The following KHDRBS2 variants were observed in gnomAD, a reference collection of about 807,000 sequenced individuals.
The protein encoded by KHDRBS2 is KH RNA binding domain containing, signal transduction associated 2.
In KHDRBS2, 26 loss-of-function variants were observed where a neutral mutation model predicts 44.3. That is an observed-to-expected ratio of 0.59 (90% CI 0.43 to 0.81). The LOEUF is 0.81. Ranked by LOEUF, KHDRBS2 falls within the 40% of genes least tolerant of loss-of-function variation. KHDRBS2 has a pLI of 0.00. For missense variants in KHDRBS2, 476 were observed against 433.1 expected, an observed-to-expected ratio of 1.10 and a Z score of -0.88; for synonymous variants, 194 against 151.1, an observed-to-expected ratio of 1.28 and a Z score of -2.08.
chr6:62,242,059 C>A (rs1175965962), intron 1 of KHDRBS2, among the ~76,000 whole-genome samples: 3 of 152,156 alleles, frequency 2.0e-5, no homozygotes, highest in African/African-American at 7.2e-5. Flanking sequence ...TGACTTTACA[C>A]ACTTTTCACT....
intron 1 of KHDRBS2, among the ~76,000 whole-genome samples, chr6:62,200,262 G>A (rs1246341126): frequency 6.6e-6 from 1 of 152,154 alleles, no homozygotes; most frequent in Non-Finnish European, 1.5e-5. Context: ...AAGAGCTTCT[G>A]CACAGCAAAA....
intron 3 of KHDRBS2, among the ~76,000 whole-genome samples, chr6:62,021,971 TACACACACTATATATATTATATATAC>T (rs1006677111): frequency 1.3e-5 from 2 of 149,102 alleles, no homozygotes; most frequent in African/African-American, 4.9e-5. Context: ...TGTACATATA[TACACACACTATATATATTATATATAC>T]ACACACTATA....
chr6:61,694,323 TG>T lies in KHDRBS2; in HGVS notation c.952+2871del, dbSNP rs1767673582. Among the ~76,000 whole-genome samples, 3 of 152,180 alleles carry T rather than the reference TG, an allele frequency of 2.0e-5. No individual in the cohort carries two copies. In the South Asian group the frequency reaches 6.2e-4, roughly 31 times the overall value. The stretch of plus-strand genomic sequence containing the variant: ...ACGTGTATAAAATTATTACTTAAAA[TG>T]GTTTAAAATCTGGTGCAAACTTTTA... On this transcript the variant is annotated intron_variant, in intron 8 of 8. Transcript: ENST00000281156.
chr6:61,673,441 A>G, the KHDRBS2 span, among the ~76,000 whole-genome samples: 2 of 151,396 alleles, frequency 1.3e-5, no homozygotes, highest in Non-Finnish European at 3.0e-5. Flanking sequence ...AGGCAGGAGA[A>G]GGAAATGAAG....
At chr6:61,944,361 A>G (rs1812769831) in intron 4 of KHDRBS2, among the ~76,000 whole-genome samples, 1 of 152,150 alleles carries the variant, frequency 6.6e-6, no homozygotes, top group South Asian at 2.1e-4. Flanking sequence ...AGCAACATAT[A>G]TTGAACTGAA....
At position 61,756,205 on chromosome 6, in the gene KHDRBS2, G is replaced by T. The variant is rs1256387945; in HGVS notation, c.811-23441C>A. Reference sequence around the variant, plus strand: ...AATTAGAAACTAATTTTTTATTCATGCATATTTATGGATGCTTACTATATG... The same window carrying T: ...AATTAGAAACTAATTTTTTATTCATTCATATTTATGGATGCTTACTATATG... On this transcript the variant is annotated intron_variant, in intron 6 of 8. Transcript: ENST00000281156. 8.6e-5 allele frequency among the ~76,000 whole-genome samples: 13 copies of T among 152,022 alleles called. 1 individual carries two copies. The highest frequency in any genetic ancestry group is 3.1e-4 in the African/African-American group (13 of 41,386).
intron 1 of KHDRBS2, among the ~76,000 whole-genome samples, chr6:62,216,285 A>G (rs2150148800): frequency 6.6e-6 from 1 of 151,986 alleles, no homozygotes; most frequent in African/African-American, 2.4e-5. Flanking sequence ...ATTTAGAATC[A>G]TTCAACAAAA....
intron 2 of KHDRBS2, among the ~76,000 whole-genome samples, chr6:62,134,026 T>C (rs1424361937): frequency 6.6e-6 from 1 of 152,188 alleles, no homozygotes; most frequent in Non-Finnish European, 1.5e-5. Flanking sequence ...AAAAATCCCA[T>C]TTTCTGAGAA....
At chr6:62,175,714 C>T (rs1039331604) in intron 2 of KHDRBS2, among the ~76,000 whole-genome samples, 13 of 151,478 alleles carry the variant, frequency 8.6e-5, no homozygotes, top group African/African-American at 3.1e-4. Context: ...TTTTCTTATA[C>T]ATTACAAAAT....
intron 4 of KHDRBS2, among the ~76,000 whole-genome samples, chr6:61,929,752 A>G (rs914742596): frequency 6.6e-6 from 1 of 152,146 alleles, no homozygotes; most frequent in Non-Finnish European, 1.5e-5. Flanking sequence ...CTAAAAAGAG[A>G]TATTATTTTC....
At chr6:61,771,210 T>A (rs900725536) in intron 6 of KHDRBS2, among the ~76,000 whole-genome samples, 1 of 152,122 alleles carries the variant, frequency 6.6e-6, no homozygotes, top group African/African-American at 2.4e-5. Context: ...AAGGAACAAC[T>A]GGTACCAGCC....
At chr6:62,171,006 T>C (rs1259364763) in intron 2 of KHDRBS2, among the ~76,000 whole-genome samples, 1 of 147,018 alleles carries the variant, frequency 6.8e-6, no homozygotes, top group Non-Finnish European at 1.5e-5. Context: ...TAAAGGACCA[T>C]TTACCCACAC....
the KHDRBS2 span, among the ~76,000 whole-genome samples, chr6:61,566,670 C>T: frequency 3.3e-5 from 5 of 151,676 alleles, no homozygotes; most frequent in Non-Finnish European, 7.4e-5. Context: ...ATAATTTCCT[C>T]AGTTTTAAAT....
the KHDRBS2 span, among the ~76,000 whole-genome samples, chr6:61,547,074 C>T: frequency 2.6e-5 from 4 of 152,006 alleles, no homozygotes; most frequent in African/African-American, 7.2e-5. Context: ...ATGAACCTAA[C>T]GTTCACATCT....
At chr6:61,695,254 TAATC>T (rs1007249023) in intron 8 of KHDRBS2, among the ~76,000 whole-genome samples, 1 of 149,042 alleles carries the variant, frequency 6.7e-6, no homozygotes, top group African/African-American at 2.5e-5. Flanking sequence ...AACCCCCAAA[TAATC>T]AGACACACTT....
chr6:61,558,502 C>T, the KHDRBS2 span, among the ~76,000 whole-genome samples: 1 of 152,156 alleles, frequency 6.6e-6, no homozygotes, highest in Non-Finnish European at 1.5e-5. Context: ...GTTGAGGCTG[C>T]AGTGAGCCAC....
chr6:61,997,788 T>A (rs1777479844), intron 3 of KHDRBS2, among the ~76,000 whole-genome samples: 2 of 152,190 alleles, frequency 1.3e-5, no homozygotes, highest in Admixed American at 6.5e-5. Context: ...GCTTACATGT[T>A]ATTTTCCTAA....
At chr6:61,802,190 T>A (rs1786391103) in intron 6 of KHDRBS2, among the ~76,000 whole-genome samples, 1 of 152,124 alleles carries the variant, frequency 6.6e-6, no homozygotes, top group South Asian at 2.1e-4. Context: ...GATGCTGAGC[T>A]CCTGCCCACA....
chr6:61,569,425 C>T, the KHDRBS2 span, among the ~76,000 whole-genome samples: 1 of 152,212 alleles, frequency 6.6e-6, no homozygotes, highest in Non-Finnish European at 1.5e-5. Context: ...CCCCCTATTT[C>T]TGCTGCAGCT....
Sources: allele counts gnomAD v4.1 joint callset (sites outside exome capture counted in the v4.1 genomes callset), GRCh38; gene constraint gnomAD v4.1.1; transcripts MANE v1.5; gene names NCBI Gene and HGNC (gene_info 2026-07-23, HGNC 2026-07-21).